ARFGEF1: variants seen among roughly 807,000 people sequenced by gnomAD.
ARFGEF1 encodes the protein ARF guanine nucleotide exchange factor 1.
In ARFGEF1, 42 loss-of-function variants were observed where a neutral mutation model predicts 231.0. That is an observed-to-expected ratio of 0.18 (90% CI 0.14 to 0.24). ARFGEF1 has a LOEUF of 0.24. ARFGEF1 is among the 10% of genes least tolerant of loss of function. The pLI is 1.00. For synonymous variants in ARFGEF1, 710 were observed against 732.3 expected (o/e 0.97, Z 0.49); for missense variants, 1,345 against 2,192.0 (o/e 0.61, Z 7.72).
intron 19 of ARFGEF1, among the ~76,000 whole-genome samples, chr8:67,241,005 T>A (rs1839910896): frequency 6.6e-6 from 1 of 152,194 alleles, no homozygotes; most frequent in African/African-American, 2.4e-5. Context: ...AGTATTCAAC[T>A]GCTTTTAAGT....
intron 23 of ARFGEF1, among the ~76,000 whole-genome samples, chr8:67,230,363 G>A (rs1215601813): frequency 2.6e-5 from 4 of 152,186 alleles, no homozygotes; most frequent in Admixed American, 2.0e-4. Flanking sequence ...TAAGATTACT[G>A]CTTAATCACA....
intron 1 of ARFGEF1, among the ~76,000 whole-genome samples, chr8:67,337,143 A>AAG (rs2128937216): frequency 6.6e-6 from 1 of 151,894 alleles, no homozygotes; most frequent in Admixed American, 6.6e-5. Context: ...AAAAAAAAAA[A>AAG]AAAAAAAACA....
At chr8:67,304,725 A>G (rs1174008580) in intron 1 of ARFGEF1, among the ~76,000 whole-genome samples, 1 of 152,220 alleles carries the variant, frequency 6.6e-6, no homozygotes, top group Non-Finnish European at 1.5e-5. Flanking sequence ...AGGCTGAGGC[A>G]CAGGAATCGC....
intron 20 of ARFGEF1, among the ~76,000 whole-genome samples, chr8:67,239,257 C>A (rs1001551351): frequency 6.6e-6 from 1 of 152,042 alleles, no homozygotes; most frequent in Non-Finnish European, 1.5e-5. Flanking sequence ...CTGCCCGCCT[C>A]GACCTCCCAA....
In ARFGEF1 at chr8:67,292,032, G is replaced by A. The variant is rs747224293; in HGVS notation, c.731C>T (p.Pro244Leu). The A allele has an allele frequency of 5.6e-6, 9 of 1,613,842 alleles. No individual in the cohort carries two copies. In the African/African-American group the frequency reaches 1.1e-4, roughly 19 times the overall value. ...SPVSHHEPES[P>L]QLRYLPPQTV... is the part of the protein sequence containing the mutation. The stretch of plus-strand genomic sequence containing the variant: ...CTGAGGTGGCAAATATCTAAGTTGA[G>A]GTGATTCAGGCTCGTGATGGCTTAC... Residue 244 changes from proline to leucine, a missense_variant, in exon 6 of 39, where the codon CCT (proline) becomes CTT (leucine). Physicochemically the swap from Pro to Leu is moderately conservative, Grantham distance 98 (BLOSUM62 -3). Around this residue, in one of 14 missense-constraint regions of ARFGEF1, gnomAD observed 398 missense variants for 463.2 expected, o/e 0.86. Transcript: ENST00000262215.
At chr8:67,328,561 C>T (rs1807947969) in intron 1 of ARFGEF1, among the ~76,000 whole-genome samples, 1 of 152,170 alleles carries the variant, frequency 6.6e-6, no homozygotes, top group African/African-American at 2.4e-5. Flanking sequence ...GTTCCCTGTC[C>T]TCCATATCTA....
chr8:67,177,274 C>G (rs1586763272), intron 5 of ARFGEF1, among the ~76,000 whole-genome samples: 1 of 152,076 alleles, frequency 6.6e-6, no homozygotes, highest in South Asian at 2.1e-4. Flanking sequence ...ATACCTGATC[C>G]AAGATCTTTG....
chr8:67,299,383 CTAAG>C (rs1232189909), intron 3 of ARFGEF1, 28 bp from the exon 4 acceptor site: 32 of 1,589,088 alleles, frequency 2.0e-5, no homozygotes, highest in Admixed American at 7.4e-5. Context: ...AACAAAGATC[CTAAG>C]TAAGGTAACA....
Position 67,218,168 on chromosome 8 carries a change from C to T in ARFGEF1, c.4339-30G>A, listed in dbSNP as rs180779728. The T allele has an allele frequency of 1.1e-4, 146 of 1,269,596 alleles. No homozygotes were observed. In the African/African-American group the frequency reaches 2.1e-3, roughly 18 times the overall value. 78.6% of individuals were successfully genotyped at this position (1,269,596 alleles called of 1,614,324 possible). On this transcript the variant is annotated intron_variant, in intron 30 of 38. Coordinates refer to ENST00000262215, the MANE Select transcript of ARFGEF1 (RefSeq NM_006421.5). The stretch of plus-strand genomic sequence containing the variant: ...GGAAAAAAGTCATTAATGAACATCA[C>T]GCCATTAATCAACTACTATGATTAA...
intron 29 of ARFGEF1, among the ~76,000 whole-genome samples, chr8:67,223,471 AG>A (rs1200752060): frequency 6.6e-6 from 1 of 152,160 alleles, no homozygotes; most frequent in Non-Finnish European, 1.5e-5. Context: ...TACAGATGTG[AG>A]CCATGGCATC....
At chr8:67,214,193 CAG>C (rs1838847475) in intron 33 of ARFGEF1, among the ~76,000 whole-genome samples, 1 of 152,090 alleles carries the variant, frequency 6.6e-6, no homozygotes, top group Non-Finnish European at 1.5e-5. Context: ...GGCCATGAAA[CAG>C]ATTATTGGTA....
intron 34 of ARFGEF1, among the ~76,000 whole-genome samples, chr8:67,205,194 A>G (rs1838469099): frequency 6.6e-6 from 1 of 152,126 alleles, no homozygotes; most frequent in Non-Finnish European, 1.5e-5. Context: ...CAGGGATTGT[A>G]AGTCGCCCAG....
At position 67,265,897 on chromosome 8, in the gene ARFGEF1, G is replaced by A. The variant is rs186940328; in HGVS notation, c.2123+109C>T. Reference sequence around the variant, plus strand: ...GGAGCCTCGTGAATTAGATCCATGAGAACTATCCTCCATTTTACTCATTAT... The same window carrying A: ...GGAGCCTCGTGAATTAGATCCATGAAAACTATCCTCCATTTTACTCATTAT... On this transcript the variant is annotated intron_variant, in intron 14 of 38. Transcript: ENST00000262215. 3.1e-4 allele frequency: 304 copies of A among 978,638 alleles called. No homozygotes were observed. The African/African-American group carries it at 4.5e-3, about 15-fold the overall frequency. The allele number at this position is 978,638 out of a possible 1,614,324, so 60.6% of individuals were successfully genotyped here.
At chr8:67,277,227 T>C in intron 8 of ARFGEF1, 55 bp downstream of exon 8, 1 of 1,557,500 alleles carries the variant, frequency 6.4e-7, no homozygotes, top group Non-Finnish European at 8.8e-7. Context: ...GGTGGTAGCC[T>C]ATAAATTTGT....
chr8:67,212,469 T>A (rs1032499589), intron 33 of ARFGEF1, among the ~76,000 whole-genome samples: 3 of 152,248 alleles, frequency 2.0e-5, no homozygotes, highest in African/African-American at 4.8e-5. Context: ...AGAAATGATA[T>A]ACTTTCCTTG....
At chr8:67,273,382 A>G (rs2128897553) in intron 9 of ARFGEF1, among the ~76,000 whole-genome samples, 1 of 141,732 alleles carries the variant, frequency 7.1e-6, no homozygotes, top group South Asian at 2.4e-4. Context: ...TGCGGAACAC[A>G]CCAAAATGCT....
At chr8:67,219,303 C>T in intron 30 of ARFGEF1, 128 bp downstream of exon 30, 1 of 1,103,830 alleles carries the variant, frequency 9.1e-7, no homozygotes, top group Non-Finnish European at 1.2e-6. Context: ...ATTACATTCT[C>T]ATGCCTTAAA....
intron 1 of ARFGEF1, among the ~76,000 whole-genome samples, chr8:67,319,844 G>A (rs758568915): frequency 2.6e-5 from 4 of 152,058 alleles, no homozygotes; most frequent in African/African-American, 9.7e-5. Flanking sequence ...AAACTCAACA[G>A]TAAAAAAACA....
intron 3 of ARFGEF1, 64 bp downstream of exon 3, chr8:67,301,160 T>G: frequency 7.2e-7 from 1 of 1,393,772 alleles, no homozygotes; most frequent in South Asian, 1.6e-5. Context: ...ATCATCAATG[T>G]GAGTAATGTT....
Sources: gnomAD v4.1 joint callset for allele counts (sites outside exome capture counted in the v4.1 genomes callset) on GRCh38, gnomAD v4.1.1 for gene constraint, gnomAD v4.1.1 regional missense constraint, MANE v1.5 for transcripts, NCBI Gene and HGNC (gene_info 2026-07-23, HGNC 2026-07-21) for gene names.